Variants in CCDC141 observed in about 807,000 individuals in gnomAD.
CCDC141 encodes coiled-coil domain containing 141, also known as coiled-coil domain-containing protein 141.
A neutral mutation model predicts 181.0 loss-of-function variants in CCDC141; 168 were observed. The observed-to-expected ratio is 0.93, with a 90% CI of 0.82 to 1.05. The LOEUF (loss-of-function observed/expected upper bound fraction) is 1.05, where lower values mean the gene tolerates loss of function less well. Among genes scored for constraint, CCDC141 ranks in the 50% least tolerant of loss-of-function variants. CCDC141 has a pLI of 0.00. For missense variants in CCDC141, 1,902 were observed against 1,788.5 expected (o/e 1.06, Z -1.14); for synonymous variants, 666 against 642.3 (o/e 1.04, Z -0.56).
chr2:178,943,734 A>G (rs1256786429), intron 6 of CCDC141, among the ~76,000 whole-genome samples: 1 of 152,060 alleles, frequency 6.6e-6, no homozygotes, highest in African/African-American at 2.4e-5. Context: ...AGCCTCTGTA[A>G]AGAATTTTGG....
chr2:179,026,818 G>A (rs985751295), intron 2 of CCDC141, among the ~76,000 whole-genome samples: 1 of 152,252 alleles, frequency 6.6e-6, no homozygotes, highest in African/African-American at 2.4e-5. Context: ...TTTTGCATCA[G>A]CATGACCTGG....
chr2:179,010,845 G>A (rs898709962), intron 2 of CCDC141, among the ~76,000 whole-genome samples: 1 of 152,122 alleles, frequency 6.6e-6, no homozygotes, highest in Non-Finnish European at 1.5e-5. Flanking sequence ...GAATGTAAAT[G>A]CCTAAATGCT....
At chr2:178,968,857 A>G (rs1272535726) in intron 4 of CCDC141, among the ~76,000 whole-genome samples, 2 of 152,090 alleles carry the variant, frequency 1.3e-5, no homozygotes, top group African/African-American at 4.8e-5. Context: ...TAAGAAGAAA[A>G]GAGAGAAGAA....
chr2:178,886,954 A>G, intron 9 of CCDC141, 83 bp from the exon 10 acceptor site: 1 of 759,808 alleles, frequency 1.3e-6, no homozygotes, highest in Non-Finnish European at 1.9e-6. Context: ...GATAAATATT[A>G]TTTTATAGAT....
the CCDC141 span, chr2:178,817,786 CCTT>C: frequency 7.3e-6 from 2 of 274,720 alleles, no homozygotes; most frequent in African/African-American, 5.7e-5. Flanking sequence ...TCCCTTCCTT[CCTT>C]CCTTCCTCCC....
intron 3 of CCDC141, among the ~76,000 whole-genome samples, chr2:178,977,754 T>G (rs1691186042): frequency 6.6e-6 from 1 of 152,212 alleles, no homozygotes; most frequent in Non-Finnish European, 1.5e-5. Context: ...TACATCAAAA[T>G]GAATGGGCTG....
downstream of CCDC141, chr2:178,825,200 C>T (rs888587254): frequency 1.3e-4 from 20 of 152,092 alleles, no homozygotes; most frequent in African/African-American, 4.6e-4. Context: ...TGAAATACTA[C>T]TTTTAAAGGT....
intron 2 of CCDC141, among the ~76,000 whole-genome samples, chr2:178,986,128 G>A (rs1348317872): frequency 6.6e-6 from 1 of 152,102 alleles, no homozygotes; most frequent in Admixed American, 6.6e-5. Context: ...ATGATCAAGT[G>A]GGCTTCATCC....
rs751026253 is a variant in CCDC141, at chr2:179,049,988, T to A, written c.-47A>T. 2.7e-5 allele frequency: 42 copies of A among 1,549,278 alleles called. No individual in the cohort carries two copies. The highest frequency in any genetic ancestry group is 3.5e-5 in the Non-Finnish European group (40 of 1,146,266). On this transcript the variant is annotated 5_prime_UTR_variant, in exon 1 of 24. Coordinates refer to ENST00000443758, the MANE Select transcript of CCDC141 (RefSeq NM_173648.4). The stretch of plus-strand genomic sequence containing the variant: ...ATACTTTGGGCAGCCTCTGGACAGT[T>A]GTGTGTCTGCTGGTCATTTCAGAAG...
intron 2 of CCDC141, among the ~76,000 whole-genome samples, chr2:179,022,601 T>C (rs1261205805): frequency 6.6e-6 from 1 of 152,176 alleles, no homozygotes; most frequent in Non-Finnish European, 1.5e-5. Context: ...TCCATGAATA[T>C]GTCTATGGTA....
downstream of CCDC141, among the ~76,000 whole-genome samples, chr2:178,829,508 G>A (rs1027617472): frequency 3.9e-5 from 6 of 152,314 alleles, no homozygotes; most frequent in Admixed American, 1.3e-4. Flanking sequence ...GAGATTCATG[G>A]AAAAAGGCCA....
rs1168216349 is a variant in CCDC141, at chr2:178,903,199, C to A, written c.1265+2130G>T. 6.4e-3 allele frequency among the ~76,000 whole-genome samples: 797 copies of A among 124,142 alleles called. 5 individuals are homozygous for A. The highest frequency in any genetic ancestry group is 0.017 in the African/African-American group (550 of 32,742). 81.4% of individuals were successfully genotyped at this position (124,142 alleles called of 152,430 possible). A position where few individuals can be genotyped will look rare whatever the true frequency, so the allele number is the denominator to read the frequency against. ...TCAACCATTGTGGAAGTCAGTGTGG[C>A]GATTCCTCAGGGATCTAGAACTAGA... On this transcript the variant is annotated intron_variant, in intron 8 of 23. Transcript: ENST00000443758.
At position 178,961,544 on chromosome 2, in the gene CCDC141, T is replaced by A; in HGVS notation, c.527-61A>T. ...ATTAGCAAGCTTTTATACAGCAATA[T>A]TCAGACTCTTCATAATTTAAAATAT... On this transcript the variant is annotated intron_variant, in intron 4 of 23. Coordinates refer to ENST00000443758, the MANE Select transcript of CCDC141 (RefSeq NM_173648.4). 3 of 1,191,838 alleles carry A rather than the reference T, an allele frequency of 2.5e-6. No individual in the cohort carries two copies. The South Asian group carries it at 4.8e-5, about 19-fold the overall frequency. 73.8% of individuals were successfully genotyped at this position (1,191,838 alleles called of 1,614,324 possible). A position where few individuals can be genotyped will look rare whatever the true frequency, so the allele number is the denominator to read the frequency against.
At chr2:179,009,317 C>T (rs1309894756) in intron 2 of CCDC141, among the ~76,000 whole-genome samples, 1 of 152,120 alleles carries the variant, frequency 6.6e-6, no homozygotes, top group African/African-American at 2.4e-5. Context: ...ATAGTTCTCC[C>T]CCCTGGGGGT....
chr2:178,865,487 A>G lies in CCDC141; in HGVS notation c.2724+280T>C, dbSNP rs180749574. On this transcript the variant is annotated intron_variant, in intron 17 of 23. Transcript: ENST00000443758. ...AGGGGGAAGCAAAAAACAAATAAAC[A>G]AAAGCAACCAAAAAAACTGTACTAC... 2.6e-4 allele frequency among the ~76,000 whole-genome samples: 39 copies of G among 152,348 alleles called. No individual in the cohort carries two copies. The East Asian group carries it at 3.7e-3, about 14-fold the overall frequency.
intron 6 of CCDC141, among the ~76,000 whole-genome samples, chr2:178,925,425 T>C (rs993024501): frequency 6.6e-6 from 1 of 152,174 alleles, no homozygotes; most frequent in African/African-American, 2.4e-5. Context: ...CTGAAGCAAA[T>C]GGCTATGTGG....
intron 11 of CCDC141, among the ~76,000 whole-genome samples, chr2:178,878,478 A>ATT (rs766496516): frequency 0.03 from 3,407 of 114,580 alleles, 296 homozygotes; most frequent in African/African-American, 0.1. Flanking sequence ...GGCCTGGCTA[A>ATT]TTTTTTTTTT....
At chr2:178,967,915 TA>T (rs1029696043) in intron 4 of CCDC141, among the ~76,000 whole-genome samples, 1 of 149,532 alleles carries the variant, frequency 6.7e-6, no homozygotes. Flanking sequence ...AAATGGAAAG[TA>T]AAAAAAAAGC....
At chr2:178,823,871 C>T in the CCDC141 span, among the ~76,000 whole-genome samples, 4 of 152,190 alleles carry the variant, frequency 2.6e-5, no homozygotes, top group Non-Finnish European at 5.9e-5. Context: ...CCAGAGCATG[C>T]ATATAAGTAA....
Sources: allele counts gnomAD v4.1 joint callset (sites outside exome capture counted in the v4.1 genomes callset), GRCh38; gene constraint gnomAD v4.1.1; transcripts MANE v1.5; gene names NCBI Gene and HGNC (gene_info 2026-07-23, HGNC 2026-07-21).